Variants in CFAP53 observed in about 807,000 individuals in gnomAD.
CFAP53 encodes the protein cilia and flagella associated protein 53.
Under a neutral mutation model 59.7 loss-of-function variants are expected in CFAP53, and 62 were observed. The ratio of observed to expected loss-of-function variants is 1.04; its 90% confidence interval spans 0.85 to 1.28. CFAP53 has a LOEUF of 1.28. Ranked by LOEUF, CFAP53 falls within the 50% of genes most tolerant of loss-of-function variation. The pLI, the probability that CFAP53 is intolerant of heterozygous loss-of-function variation, is 0.00. For synonymous variants in CFAP53, 218 were observed against 205.7 expected (o/e 1.06, Z -0.51); for missense variants, 629 against 615.6 (o/e 1.02, Z -0.23).
At chr18:50,243,923 G>C (rs544266969) in intron 5 of CFAP53, among the ~76,000 whole-genome samples, 30 of 151,406 alleles carry the variant, frequency 2.0e-4, no homozygotes, top group African/African-American at 6.8e-4. Context: ...CTGCACTCCA[G>C]CCTGGGCGAC....
intron 1 of CFAP53, among the ~76,000 whole-genome samples, chr18:50,263,911 C>T (rs1192603626): frequency 6.6e-6 from 1 of 152,174 alleles, no homozygotes; most frequent in African/African-American, 2.4e-5. Context: ...GACCCAATCT[C>T]TTGATAAGTT....
chr18:50,227,955 C>CTTTT (rs1191228047), intron 7 of CFAP53, among the ~76,000 whole-genome samples: 1,870 of 89,964 alleles, frequency 0.021, 187 homozygotes, highest in African/African-American at 0.051. Flanking sequence ...AACTTTTCTC[C>CTTTT]TTTTTTTTTT....
intron 6 of CFAP53, 40 bp downstream of exon 6, chr18:50,242,860 T>A (rs752778793): frequency 6.5e-7 from 1 of 1,531,740 alleles, no homozygotes; most frequent in East Asian, 2.2e-5. Context: ...TAAATTGAAT[T>A]AAGGGCAAGC....
chr18:50,244,731 C>T (rs1192364127), intron 5 of CFAP53, among the ~76,000 whole-genome samples: 1 of 151,880 alleles, frequency 6.6e-6, no homozygotes, highest in African/African-American at 2.4e-5. Flanking sequence ...AATCTGAGCA[C>T]CAAAAAGAAG....
chr18:50,254,663 C>T (rs1306061328), intron 3 of CFAP53, among the ~76,000 whole-genome samples: 2 of 152,040 alleles, frequency 1.3e-5, no homozygotes, highest in East Asian at 3.9e-4. Flanking sequence ...CCAAGGTGGA[C>T]GGATCACCTA....
In CFAP53 at chr18:50,248,969, G is replaced by A. The variant is rs963529076; in HGVS notation, c.996+1789C>T. 7.9e-5 allele frequency among the ~76,000 whole-genome samples: 12 copies of A among 151,090 alleles called. No individual in the cohort carries two copies. In the South Asian group the frequency reaches 8.4e-4, roughly 11 times the overall value. On this transcript the variant is annotated intron_variant, in intron 5 of 7. Coordinates refer to ENST00000398545, the MANE Select transcript of CFAP53 (RefSeq NM_145020.5). ...CTACTCAAGAATAAATTGGGAGGCC[G>A]AGGCAGGTTGATTACCTGAGGTCAG...
At chr18:50,235,427 C>T (rs1217536072) in intron 7 of CFAP53, among the ~76,000 whole-genome samples, 2 of 151,864 alleles carry the variant, frequency 1.3e-5, no homozygotes, top group South Asian at 2.1e-4. Flanking sequence ...ATTAGCTGGG[C>T]GTGGTGGCAT....
At chr18:50,247,311 G>A (rs865903211) in intron 5 of CFAP53, among the ~76,000 whole-genome samples, 6 of 152,200 alleles carry the variant, frequency 3.9e-5, no homozygotes, top group Middle Eastern at 3.2e-3. Flanking sequence ...AATAACAAGT[G>A]TTGGTGAGCA....
At chr18:50,246,221 A>T (rs1447224406) in intron 5 of CFAP53, among the ~76,000 whole-genome samples, 1 of 152,222 alleles carries the variant, frequency 6.6e-6, no homozygotes, top group Non-Finnish European at 1.5e-5. Context: ...CAAACTTACT[A>T]CAAAGCTACG....
intron 5 of CFAP53, among the ~76,000 whole-genome samples, chr18:50,245,848 TTCTC>T (rs1227240286): frequency 2.6e-5 from 4 of 152,220 alleles, no homozygotes; most frequent in South Asian, 2.1e-4. Context: ...GATTTACATT[TTCTC>T]TCTCTCTTTT....
intron 6 of CFAP53, among the ~76,000 whole-genome samples, chr18:50,238,983 T>A (rs2033662915): frequency 6.6e-6 from 1 of 151,428 alleles, no homozygotes; most frequent in African/African-American, 2.4e-5. Context: ...TACTTCCTAC[T>A]TTTCTCTCCT....
rs184489741 is a variant in CFAP53, at chr18:50,231,318, G to A, written c.1317-3709C>T. Among the ~76,000 whole-genome samples, 115 of 152,194 alleles carry A rather than the reference G, an allele frequency of 7.6e-4. 2 individuals are homozygous for A. The highest frequency in any genetic ancestry group is 2.6e-3 in the African/African-American group (109 of 41,524). On this transcript the variant is annotated intron_variant, in intron 7 of 7. Coordinates refer to ENST00000398545, the MANE Select transcript of CFAP53 (RefSeq NM_145020.5). ...GCCTTTCTTTACCTACAACTGTCTTGGTAAATTCTTTTACCCCTGCACCAC... is the reference window on the plus strand; with the variant it reads ...GCCTTTCTTTACCTACAACTGTCTTAGTAAATTCTTTTACCCCTGCACCAC...
intron 2 of CFAP53, 22 bp from the exon 3 acceptor site, chr18:50,261,259 A>C (rs1366792810): frequency 6.7e-7 from 1 of 1,488,362 alleles, no homozygotes; most frequent in Middle Eastern, 2.5e-4. Flanking sequence ...AGCCAAAAAA[A>C]AAAAAAAAAA....
intron 5 of CFAP53, among the ~76,000 whole-genome samples, chr18:50,249,391 G>A (rs1218917692): frequency 2.6e-5 from 4 of 151,720 alleles, no homozygotes; most frequent in African/African-American, 4.8e-5. Flanking sequence ...GGTGGCTTGT[G>A]CCTGTAATCC....
intron 1 of CFAP53, among the ~76,000 whole-genome samples, chr18:50,262,440 A>T (rs2033902668): frequency 6.6e-6 from 1 of 152,234 alleles, no homozygotes; most frequent in Non-Finnish European, 1.5e-5. Flanking sequence ...AAATATTTCT[A>T]ATGTGCCATT....
At chr18:50,241,061 C>CCCT (rs1312050627) in intron 6 of CFAP53, among the ~76,000 whole-genome samples, 8 of 152,194 alleles carry the variant, frequency 5.3e-5, no homozygotes, top group Non-Finnish European at 1.0e-4. Context: ...TTAACTTAAG[C>CCCT]ATCTCGCAGG....
intron 4 of CFAP53, among the ~76,000 whole-genome samples, 189 bp from the exon 5 acceptor site, chr18:50,251,165 G>A (rs1337963365): frequency 6.6e-6 from 1 of 152,204 alleles, no homozygotes; most frequent in Non-Finnish European, 1.5e-5. Flanking sequence ...AATTGCCTGG[G>A]CATGTGTGAT....
rs115227061 is a variant in CFAP53, at chr18:50,227,818, G to A, written c.1317-209C>T. ...TCCTAGGACAAATATTGATTTTAGA[G>A]AGGAAATGCTTCTTCCCTGCTCGTA... On this transcript the variant is annotated intron_variant, in intron 7 of 7. Coordinates refer to ENST00000398545, the MANE Select transcript of CFAP53 (RefSeq NM_145020.5). Among the ~76,000 whole-genome samples, 600 of 152,150 alleles carry A rather than the reference G, an allele frequency of 3.9e-3. 3 individuals carry two copies. The highest frequency in any genetic ancestry group is 0.014 in the African/African-American group (566 of 41,516).
chr18:50,238,640 TA>T lies in CFAP53; in HGVS notation c.1278del (p.Glu428AsnfsTer16). 6.2e-7 allele frequency: 1 copy of T among 1,612,180 alleles called. No homozygotes were observed. Among genetic ancestry groups the T allele is most frequent in the Non-Finnish European group, 8.5e-7 (1 of 1,179,164 alleles). On this transcript the variant is annotated frameshift_variant, in exon 7 of 8. Transcript: ENST00000398545. LOFTEE classifies it low-confidence loss of function (END_TRUNC). ...AMEQKHINES[L>X]KELNCEEKEN... ...TCCTTCTCTTCACAGTTAAGTTCTTTAAGACTTTCATTTATGTGTTTCTGTT... is the reference window on the plus strand; with the variant it reads ...TCCTTCTCTTCACAGTTAAGTTCTTTAGACTTTCATTTATGTGTTTCTGTT...
Sources: gnomAD v4.1 joint callset for allele counts (sites outside exome capture counted in the v4.1 genomes callset) on GRCh38, gnomAD v4.1.1 for gene constraint, MANE v1.5 for transcripts, NCBI Gene and HGNC (gene_info 2026-07-23, HGNC 2026-07-21) for gene names.